The following FHIP2A variants were observed in gnomAD, a reference collection of about 807,000 sequenced individuals.
FHIP2A encodes the protein FHF complex subunit HOOK interacting protein 2A.
FHIP2A carries 46 observed loss-of-function variants against 93.5 expected under a neutral mutation model. That is an observed-to-expected ratio of 0.49 (90% CI 0.39 to 0.63). The LOEUF is 0.63. Ranked by LOEUF, FHIP2A falls within the 20% of genes least tolerant of loss-of-function variation. The probability of loss-of-function intolerance (pLI) is 0.00; values close to 1 mark genes in which losing one functional copy is unlikely to be tolerated. For missense variants in FHIP2A, 769 were observed against 909.7 expected, an observed-to-expected ratio of 0.85 and a Z score of 1.99; for synonymous variants, 332 against 326.5, an observed-to-expected ratio of 1.02 and a Z score of -0.18.
At chr10:114,831,560 T>G (rs1298111977) in intron 2 of FHIP2A, among the ~76,000 whole-genome samples, 2 of 152,200 alleles carry the variant, frequency 1.3e-5, no homozygotes, top group Non-Finnish European at 1.5e-5. Flanking sequence ...AAGGCTACAA[T>G]TATGGGGAAA....
chr10:114,862,204 C>A lies in FHIP2A; in HGVS notation c.*664C>A. On this transcript the variant is annotated 3_prime_UTR_variant, in exon 17 of 17. Transcript: ENST00000369248. ...AAATGTTCTTTTACTCTTTTGTGCA[C>A]ATAGCCATGTTAGTGATTTTCTTCA... The A allele has an allele frequency of 1.0e-6, 1 of 964,576 alleles. No homozygotes were observed. The highest frequency in any genetic ancestry group is 1.2e-6 in the Non-Finnish European group (1 of 810,736). The allele number at this position is 964,576 out of a possible 1,614,324, so 59.8% of individuals were successfully genotyped here.
chr10:114,852,929 A>G (rs2083745373), intron 13 of FHIP2A, among the ~76,000 whole-genome samples: 1 of 152,176 alleles, frequency 6.6e-6, no homozygotes, highest in African/African-American at 2.4e-5. Context: ...CTCACCCACC[A>G]TCTGATATCT....
In FHIP2A at chr10:114,846,700, G is replaced by A. The variant is rs779186662; in HGVS notation, c.1540G>A (p.Val514Ile). The A allele has an allele frequency of 6.2e-7, 1 of 1,604,154 alleles. No homozygotes were observed. The highest frequency in any genetic ancestry group is 8.5e-7 in the Non-Finnish European group (1 of 1,177,600). Residue 514 changes from valine (V) to isoleucine (I), a missense_variant, in exon 11 of 17, where the codon GTA becomes ATA. Physicochemically the swap from Val to Ile is conservative, Grantham distance 29. Transcript: ENST00000369248. Reference sequence around the variant, plus strand: ...TTTGTGCCCAGAAGATAAAGATGTGGTAGAAAATGGATTGATAGCAGGAGC... The same window carrying A: ...TTTGTGCCCAGAAGATAAAGATGTGATAGAAAATGGATTGATAGCAGGAGC... ...KPLCPEDKDVVENGLIAGAVD... is the reference protein window; with the variant it reads ...KPLCPEDKDVIENGLIAGAVD...
At chr10:114,847,833 G>A (rs11196952) in intron 12 of FHIP2A, among the ~76,000 whole-genome samples, 61,153 of 149,188 alleles carry the variant, frequency 0.41, 13,075 homozygotes, top group Non-Finnish European at 0.48. Context: ...TGCAACTTCC[G>A]TCTCCCGGGT....
chr10:114,883,021 G>A (rs949499039), intron 16 of FHIP2A, among the ~76,000 whole-genome samples: 4 of 152,144 alleles, frequency 2.6e-5, no homozygotes, highest in Non-Finnish European at 2.9e-5. Flanking sequence ...GGAGACTGGC[G>A]AAAGGCTTGT....
chr10:114,833,678 A>C (rs953691429), intron 3 of FHIP2A, among the ~76,000 whole-genome samples: 29 of 150,966 alleles, frequency 1.9e-4, no homozygotes, highest in African/African-American at 6.7e-4. Flanking sequence ...AGCTCAGAAT[A>C]AAAAAAAGAG....
chr10:114,860,097 CTG>C, intron 14 of FHIP2A, among the ~76,000 whole-genome samples: 1 of 152,262 alleles, frequency 6.6e-6, no homozygotes, highest in South Asian at 2.1e-4. Context: ...AATGGGTCCT[CTG>C]TAATTAATAT....
chr10:114,822,218 G>C, intron 1 of FHIP2A, 95 bp downstream of exon 1: 1 of 711,672 alleles, frequency 1.4e-6, no homozygotes, highest in Non-Finnish European at 1.9e-6. Context: ...GCCTTGGCCC[G>C]GCCCTCGGCG....
intron 5 of FHIP2A, among the ~76,000 whole-genome samples, chr10:114,842,535 C>A (rs1275033337): frequency 6.6e-6 from 1 of 152,052 alleles, no homozygotes; most frequent in South Asian, 2.1e-4. Context: ...AACCACCCCC[C>A]CCACCCTATG....
At chr10:114,889,863 C>T (rs2083961823) in intron 16 of FHIP2A, among the ~76,000 whole-genome samples, 1 of 152,186 alleles carries the variant, frequency 6.6e-6, no homozygotes, top group African/African-American at 2.4e-5. Context: ...GCCTCTGTCC[C>T]TTAGCGTTCC....
In FHIP2A at chr10:114,822,089, A is replaced by G; in HGVS notation, c.11A>G (p.Lys4Arg). 1 of 1,342,738 alleles carries G rather than the reference A, an allele frequency of 7.4e-7. No homozygotes were observed. The highest frequency in any genetic ancestry group is 2.6e-5 in the Admixed American group (1 of 38,218). The allele number at this position is 1,342,738 out of a possible 1,614,324, so 83.2% of individuals were successfully genotyped here. ...CAGTCCCGGGACAGGATGTTCTCCA[A>G]GTTCACCTCCATCCTGCAGCACGCC... is the stretch of plus-strand genomic sequence containing the variant. The part of the protein sequence containing the change: MFS[K>R]FTSILQHAVE... The change falls in exon 1 of 17, where the codon AAG (lysine) becomes AGG (arginine). Residue 4 changes from lysine to arginine, a missense_variant. Coordinates refer to ENST00000369248, the MANE Select transcript of FHIP2A (RefSeq NM_020940.4).
intron 12 of FHIP2A, among the ~76,000 whole-genome samples, 198 bp downstream of exon 12, chr10:114,847,431 G>C (rs994811412): frequency 1.3e-5 from 2 of 151,954 alleles, no homozygotes; most frequent in African/African-American, 4.8e-5. Flanking sequence ...TGGGATTACA[G>C]GCTCCTGCCA....
chr10:114,828,515 C>T (rs1166628350), intron 1 of FHIP2A, among the ~76,000 whole-genome samples: 3 of 152,140 alleles, frequency 2.0e-5, no homozygotes, highest in African/African-American at 7.2e-5. Flanking sequence ...TTGTCCCACT[C>T]GTGAATGCAC....
Position 114,821,937 on chromosome 10 carries a change from G to T in FHIP2A, c.-142G>T, listed in dbSNP as rs2083526334. ...ACCTGAAGCGGCCGGGCCAGGCCCT[G>T]CCTCGATCCTCAGCTCGTCCTCCCC... On this transcript the variant is annotated 5_prime_UTR_variant, in exon 1 of 17. Transcript: ENST00000369248. 5.0e-6 allele frequency: 2 copies of T among 398,482 alleles called. No individual in the cohort carries two copies. The highest frequency in any genetic ancestry group is 2.1e-5 in the African/African-American group (1 of 46,798). The allele number at this position is 398,482 out of a possible 1,614,324, so 24.7% of individuals were successfully genotyped here.
At chr10:114,869,325 TTAAAG>T (rs1356617232), downstream of FHIP2A, among the ~76,000 whole-genome samples, 1 of 152,186 alleles carries the variant, frequency 6.6e-6, no homozygotes, top group Non-Finnish European at 1.5e-5. Flanking sequence ...TTTTCCATGT[TTAAAG>T]TATGCTCTTC....
intron 16 of FHIP2A, among the ~76,000 whole-genome samples, chr10:114,878,766 A>G (rs2083901891): frequency 7.3e-6 from 1 of 137,926 alleles, no homozygotes; most frequent in Non-Finnish European, 1.6e-5. Context: ...GGTGACAGAG[A>G]CTTCGCCTCA....
Position 114,827,305 on chromosome 10 carries a change from G to A in FHIP2A, c.46-3547G>A, listed in dbSNP as rs191878196. Among the ~76,000 whole-genome samples, 11 of 152,282 alleles carry A rather than the reference G, an allele frequency of 7.2e-5. No homozygotes were observed. In the East Asian group the frequency reaches 1.5e-3, roughly 21 times the overall value. The stretch of plus-strand genomic sequence containing the variant: ...TACTCATTAAAAGGCAGTGACTTCT[G>A]TGTTATTTATGCATTTATATATATT... On this transcript the variant is annotated intron_variant, in intron 1 of 16. Coordinates refer to ENST00000369248, the MANE Select transcript of FHIP2A (RefSeq NM_020940.4).
At chr10:114,897,597 AT>A (rs2084007033) in intron 16 of FHIP2A, among the ~76,000 whole-genome samples, 1 of 152,138 alleles carries the variant, frequency 6.6e-6, no homozygotes, top group Admixed American at 6.5e-5. Context: ...TAACTTTATA[AT>A]TTAGTGTTCA....
At chr10:114,871,864 A>G (rs2083861754) in intron 16 of FHIP2A, among the ~76,000 whole-genome samples, 1 of 152,036 alleles carries the variant, frequency 6.6e-6, no homozygotes, top group Non-Finnish European at 1.5e-5. Flanking sequence ...TTTTTTCTAC[A>G]TTACCCCGGG....
Sources: allele counts gnomAD v4.1 joint callset (sites outside exome capture counted in the v4.1 genomes callset), GRCh38; gene constraint gnomAD v4.1.1; transcripts MANE v1.5; gene names NCBI Gene and HGNC (gene_info 2026-07-23, HGNC 2026-07-21).